The following PXDNL variants were observed in gnomAD, a reference collection of about 807,000 sequenced individuals.
PXDNL encodes peroxidasin like.
PXDNL carries 145 observed loss-of-function variants against 150.8 expected under a neutral mutation model. The observed-to-expected ratio is 0.96, with a 90% confidence interval of 0.84 to 1.10. PXDNL has a LOEUF of 1.10. PXDNL is among the 50% of genes least tolerant of loss of function. The probability of loss-of-function intolerance (pLI) is 0.00; values close to 1 mark genes in which losing one functional copy is unlikely to be tolerated. For missense variants in PXDNL, 2,087 were observed against 1,873.9 expected, an observed-to-expected ratio of 1.11 and a Z score of -2.10; for synonymous variants, 757 against 725.7, an observed-to-expected ratio of 1.04 and a Z score of -0.69.
chr8:51,601,339 T>G lies in PXDNL; in HGVS notation c.237-8641A>C, dbSNP rs369026472. 8.5e-5 allele frequency among the ~76,000 whole-genome samples: 13 copies of G among 152,148 alleles called. 1 individual carries two copies. Among genetic ancestry groups the G allele is most frequent in the African/African-American group, 3.1e-4 (13 of 41,574 alleles). On this transcript the variant is annotated intron_variant, in intron 2 of 22. Transcript: ENST00000356297. ...TTGGGGTGTTGAAGTTCATGAATAT[T>G]ACTGTGTGGCTGTCTAAGTCATTGC...
chr8:51,336,124 G>T (rs994343710), intron 21 of PXDNL, among the ~76,000 whole-genome samples: 1 of 152,170 alleles, frequency 6.6e-6, no homozygotes, highest in Admixed American at 6.5e-5. Context: ...TCTAAAGGAT[G>T]AGTCTCAAGA....
rs762150042 is a variant in PXDNL, at chr8:51,654,762, T to C, written c.165-2A>G. ...CTTATTCTGTTAAACCTCAAGTCTC[T>C]GGGAACATAAAAAGGTGAAGAACGA... On this transcript the variant is annotated splice_acceptor_variant, in intron 1 of 22. Transcript: ENST00000356297. LOFTEE classifies it high-confidence loss of function. 12 of 1,611,834 alleles carry C rather than the reference T, an allele frequency of 7.4e-6. No homozygotes were observed. The highest frequency in any genetic ancestry group is 9.3e-6 in the Non-Finnish European group (11 of 1,178,272).
At chr8:51,655,020 G>A (rs754736868) in intron 1 of PXDNL, among the ~76,000 whole-genome samples, 2 of 152,148 alleles carry the variant, frequency 1.3e-5, no homozygotes, top group Non-Finnish European at 2.9e-5. Flanking sequence ...GCTCTGCAAA[G>A]TGTTAAAGAC....
At chr8:51,754,072 T>A (rs1421532762) in intron 1 of PXDNL, among the ~76,000 whole-genome samples, 1 of 152,226 alleles carries the variant, frequency 6.6e-6, no homozygotes. Context: ...TTGTCAAAAC[T>A]ATTCTCAGTC....
chr8:51,625,252 C>T (rs538779239), intron 2 of PXDNL, among the ~76,000 whole-genome samples: 2 of 152,156 alleles, frequency 1.3e-5, no homozygotes, highest in East Asian at 1.9e-4. Context: ...CCTTAAGATG[C>T]TAAAGACAAA....
intron 1 of PXDNL, among the ~76,000 whole-genome samples, chr8:51,791,503 G>C (rs958496571): frequency 2.6e-5 from 4 of 152,202 alleles, no homozygotes; most frequent in African/African-American, 9.7e-5. Context: ...GAGTACCCAG[G>C]GATTGGGTTA....
intron 17 of PXDNL, among the ~76,000 whole-genome samples, chr8:51,402,380 A>G (rs1362339322): frequency 6.6e-6 from 1 of 152,112 alleles, no homozygotes; most frequent in East Asian, 1.9e-4. Flanking sequence ...ACAACCAGGC[A>G]TGGTGGCATG....
chr8:51,352,073 C>T (rs1806370406), intron 19 of PXDNL, among the ~76,000 whole-genome samples: 2 of 152,144 alleles, frequency 1.3e-5, no homozygotes, highest in South Asian at 4.2e-4. Flanking sequence ...CTCAGGGTTA[C>T]ATTAGTGTGT....
intron 19 of PXDNL, among the ~76,000 whole-genome samples, chr8:51,368,562 CT>C (rs1375127479): frequency 6.6e-6 from 1 of 151,986 alleles, no homozygotes; most frequent in African/African-American, 2.4e-5. Context: ...TAAAATTATT[CT>C]TTAAAAACAA....
intron 2 of PXDNL, among the ~76,000 whole-genome samples, chr8:51,628,446 CCCAGG>C (rs1348478284): frequency 8.5e-6 from 1 of 118,054 alleles, no homozygotes; most frequent in Non-Finnish European, 1.6e-5. Flanking sequence ...CACTCTGTCA[CCCAGG>C]CTGGAGTACA....
chr8:51,551,401 T>C lies in PXDNL; in HGVS notation c.380+5439A>G, dbSNP rs534473228. ...AGCAAAAAGAACAAATCTGGAGGCA[T>C]CACATTATCTGACTATAAACTATAC... On this transcript the variant is annotated intron_variant, in intron 4 of 22. Transcript: ENST00000356297. 2.0e-5 allele frequency among the ~76,000 whole-genome samples: 3 copies of C among 152,210 alleles called. No homozygotes were observed. In the East Asian group the frequency reaches 5.8e-4, roughly 29 times the overall value.
chr8:51,520,475 A>G (rs1366392087), intron 4 of PXDNL, among the ~76,000 whole-genome samples: 7 of 152,024 alleles, frequency 4.6e-5, no homozygotes, highest in Non-Finnish European at 8.8e-5. Context: ...CACACCCTGG[A>G]GACATAGGCC....
chr8:51,734,123 C>A (rs1047921547), intron 1 of PXDNL, among the ~76,000 whole-genome samples: 1 of 151,968 alleles, frequency 6.6e-6, no homozygotes, highest in South Asian at 2.1e-4. Flanking sequence ...CAGTATAATG[C>A]GGAGCTTTGA....
At chr8:51,584,929 G>A (rs1233512586) in intron 3 of PXDNL, among the ~76,000 whole-genome samples, 1 of 152,078 alleles carries the variant, frequency 6.6e-6, no homozygotes, top group Non-Finnish European at 1.5e-5. Flanking sequence ...TACCGGCAAG[G>A]GTAATGGATA....
At chr8:51,727,923 T>C (rs1816844708) in intron 1 of PXDNL, among the ~76,000 whole-genome samples, 2 of 152,252 alleles carry the variant, frequency 1.3e-5, no homozygotes, top group African/African-American at 4.8e-5. Flanking sequence ...TAAATTTATT[T>C]TCTCTAAAGT....
At chr8:51,422,329 A>T (rs1222211874) in intron 14 of PXDNL, among the ~76,000 whole-genome samples, 1 of 152,202 alleles carries the variant, frequency 6.6e-6, no homozygotes, top group Non-Finnish European at 1.5e-5. Context: ...CGGTCAGTGG[A>T]AAAATTGTCT....
At chr8:51,496,755 A>G (rs1225828887) in intron 5 of PXDNL, among the ~76,000 whole-genome samples, 3 of 152,210 alleles carry the variant, frequency 2.0e-5, no homozygotes, top group East Asian at 3.8e-4. Flanking sequence ...CCCAAGGAGA[A>G]CTACAAACCA....
intron 1 of PXDNL, among the ~76,000 whole-genome samples, chr8:51,793,750 G>A (rs535024750): frequency 1.2e-4 from 18 of 151,938 alleles, no homozygotes; most frequent in Non-Finnish European, 2.5e-4. Flanking sequence ...TTAGTTGGGC[G>A]TGGTGACTGA....
chr8:51,401,463 C>T (rs999944819), intron 17 of PXDNL, among the ~76,000 whole-genome samples: 2 of 152,146 alleles, frequency 1.3e-5, no homozygotes, highest in Admixed American at 1.3e-4. Context: ...AGAGGCCCAG[C>T]TATGTTTGAG....
Sources: allele counts gnomAD v4.1 joint callset (sites outside exome capture counted in the v4.1 genomes callset), GRCh38; gene constraint gnomAD v4.1.1; transcripts MANE v1.5; gene names NCBI Gene and HGNC (gene_info 2026-07-23, HGNC 2026-07-21).